The following ANO1 variants were observed in gnomAD, a reference collection of about 807,000 sequenced individuals.
ANO1 encodes the protein anoctamin 1, also known as anoctamin-1.
Under a neutral mutation model 124.0 loss-of-function variants are expected in ANO1, and 59 were observed. That is an observed-to-expected ratio of 0.48 (90% CI 0.39 to 0.59). The LOEUF (loss-of-function observed/expected upper bound fraction) is 0.59, where lower values mean the gene tolerates loss of function less well. Ranked by LOEUF, ANO1 falls within the 20% of genes least tolerant of loss-of-function variation. The probability of loss-of-function intolerance (pLI) is 0.00; values close to 1 mark genes in which losing one functional copy is unlikely to be tolerated. For missense variants in ANO1, 1,059 were observed against 1,328.0 expected (o/e 0.80, Z 3.15); for synonymous variants, 529 against 532.0 (o/e 0.99, Z 0.08).
chr11:70,048,689 C>G (rs1857299242), intron 1 of ANO1, among the ~76,000 whole-genome samples: 1 of 149,054 alleles, frequency 6.7e-6, no homozygotes, highest in Admixed American at 6.7e-5. Flanking sequence ...CCTCTCCCCA[C>G]TCTTCTCCAC....
At chr11:70,088,119 G>T in intron 2 of ANO1, 35 bp downstream of exon 2, 2 of 205,220 alleles carry the variant, frequency 9.7e-6, no homozygotes, top group South Asian at 1.1e-4. Context: ...TGTGGGGGGT[G>T]GGGGGTGGGC....
At position 70,130,319 on chromosome 11, in the gene ANO1, G is replaced by A. The variant is rs1474008072; in HGVS notation, c.1098-1600G>A. 2.0e-5 allele frequency among the ~76,000 whole-genome samples: 3 copies of A among 152,218 alleles called. No individual in the cohort carries two copies. The East Asian group carries it at 5.8e-4, about 29-fold the overall frequency. On this transcript the variant is annotated intron_variant, in intron 10 of 25. Transcript: ENST00000355303. Reference sequence around the variant, plus strand: ...ACTTGGCCAGGGCCACGGAGGGTATGAGTAGTCAGTTGAGGGCCCAGTTCA... The same window carrying A: ...ACTTGGCCAGGGCCACGGAGGGTATAAGTAGTCAGTTGAGGGCCCAGTTCA...
intron 25 of ANO1, 138 bp downstream of exon 25, chr11:70,185,833 G>A: frequency 1.1e-6 from 1 of 943,732 alleles, no homozygotes; most frequent in African/African-American, 1.7e-5. Context: ...ACTTGCTCTG[G>A]GACACCCGAG....
At chr11:70,052,024 T>C (rs1857356137) in intron 1 of ANO1, among the ~76,000 whole-genome samples, 1 of 152,252 alleles carries the variant, frequency 6.6e-6, no homozygotes, top group African/African-American at 2.4e-5. Context: ...TTGGCCTTTT[T>C]GCATCTGGAA....
intron 6 of ANO1, among the ~76,000 whole-genome samples, chr11:70,110,264 G>A (rs1279214929): frequency 1.4e-5 from 2 of 145,182 alleles, no homozygotes; most frequent in Admixed American, 7.2e-5. Context: ...TCAACTCACT[G>A]CAACCTCTGC....
At chr11:70,178,060 G>A (rs538003823) in intron 22 of ANO1, among the ~76,000 whole-genome samples, 1 of 152,342 alleles carries the variant, frequency 6.6e-6, no homozygotes, top group East Asian at 1.9e-4. Flanking sequence ...AGGGCTTTCT[G>A]CACTCGTGCA....
Position 70,062,063 on chromosome 11 carries a change from C to CTT in ANO1, c.59-16477_59-16476dup, listed in dbSNP as rs1857593075. Among the ~76,000 whole-genome samples the CTT allele has an allele frequency of 7.2e-4, 55 of 76,706 alleles. 2 individuals are homozygous for CTT. The highest frequency in any genetic ancestry group is 1.1e-3 in the Non-Finnish European group (38 of 34,796). The allele number at this position is 76,706 out of a possible 152,430, so 50.3% of individuals were successfully genotyped here. Reference sequence around the variant, plus strand: ...AGAGGTGATTTTTTTCTCTTTCCTTCTTTCTTTTTTTTTTTTTTTTTTTTT... The same window carrying CTT: ...AGAGGTGATTTTTTTCTCTTTCCTTCTTTTTCTTTTTTTTTTTTTTTTTTTTT... On this transcript the variant is annotated intron_variant, in intron 1 of 27. Transcript: ENST00000531349.
chr11:70,136,685 C>A lies in ANO1; in HGVS notation c.1258+4606C>A. Among the ~76,000 whole-genome samples the A allele has an allele frequency of 1.4e-5, 2 of 147,526 alleles. 1 individual carries two copies. Among genetic ancestry groups the A allele is most frequent in the Non-Finnish European group, 3.0e-5 (2 of 66,246 alleles). ...TCGGCGTCTGCACTTGCCTGGAAGC[C>A]GCCCTCAGACACGCTCAGCTCCACC... On this transcript the variant is annotated intron_variant, in intron 11 of 25. Coordinates refer to ENST00000355303, the MANE Select transcript of ANO1 (RefSeq NM_018043.7).
intron 1 of ANO1, among the ~76,000 whole-genome samples, chr11:70,007,933 T>A (rs1856523775): frequency 1.3e-5 from 2 of 152,188 alleles, no homozygotes; most frequent in African/African-American, 2.4e-5. Flanking sequence ...TTATTATTAC[T>A]TTTTTTAATA....
intron 1 of ANO1, among the ~76,000 whole-genome samples, chr11:70,039,570 G>T (rs11237547): frequency 6.9e-6 from 1 of 145,068 alleles, no homozygotes; most frequent in Non-Finnish European, 1.5e-5. Context: ...CTCCCCTTCC[G>T]CAGGTGGTAG....
At chr11:70,003,086 G>A (rs1232216404) in intron 1 of ANO1, among the ~76,000 whole-genome samples, 1 of 151,998 alleles carries the variant, frequency 6.6e-6, no homozygotes, top group Non-Finnish European at 1.5e-5. Flanking sequence ...TCAAGCTGGG[G>A]GTAACTATTT....
chr11:70,050,010 C>T (rs573609113), intron 1 of ANO1, among the ~76,000 whole-genome samples: 4 of 152,346 alleles, frequency 2.6e-5, no homozygotes, highest in African/African-American at 2.4e-5. Flanking sequence ...TGAGCCATCA[C>T]GCCCAGCTGC....
chr11:70,088,379 A>G (rs1184913414), intron 2 of ANO1, among the ~76,000 whole-genome samples: 4 of 151,824 alleles, frequency 2.6e-5, no homozygotes, highest in African/African-American at 7.3e-5. Context: ...GCATGGTGGC[A>G]TGTGTCTGTG....
In ANO1 at chr11:70,086,114, C is replaced by T. The variant is rs534648186; in HGVS notation, c.109-1638C>T. Among the ~76,000 whole-genome samples, 18 of 152,334 alleles carry T rather than the reference C, an allele frequency of 1.2e-4. No individual in the cohort carries two copies. The East Asian group carries it at 2.3e-3, about 20-fold the overall frequency. ...CGGGAACTGATAGTGCCCTAGGGAGCGTCCTCACGTAGCCACAGGAAACTG... is the reference window on the plus strand; with the variant it reads ...CGGGAACTGATAGTGCCCTAGGGAGTGTCCTCACGTAGCCACAGGAAACTG... On this transcript the variant is annotated intron_variant, in intron 1 of 25. Transcript: ENST00000355303.
chr11:70,156,091 C>T, intron 15 of ANO1, 103 bp downstream of exon 15: 2 of 1,151,288 alleles, frequency 1.7e-6, no homozygotes, highest in Middle Eastern at 2.0e-4. Context: ...TTTTTTTTAA[C>T]ATTCACATCC....
chr11:70,118,452 T>TG (rs1242993679), intron 8 of ANO1, among the ~76,000 whole-genome samples: 25 of 152,248 alleles, frequency 1.6e-4, no homozygotes, highest in African/African-American at 6.0e-4. Context: ...ATACAAGGCC[T>TG]GGCCCATGGG....
At chr11:70,013,391 T>TA (rs1162989875) in intron 1 of ANO1, among the ~76,000 whole-genome samples, 2 of 151,098 alleles carry the variant, frequency 1.3e-5, no homozygotes, top group African/African-American at 2.5e-5. Flanking sequence ...GCCTTTTTTT[T>TA]AAAAAAGGAG....
intron 12 of ANO1, among the ~76,000 whole-genome samples, chr11:70,150,916 T>A (rs1323598471): frequency 1.3e-5 from 2 of 152,236 alleles, no homozygotes; most frequent in Non-Finnish European, 2.9e-5. Context: ...CCTCTCAGAC[T>A]GAACCCAAGG....
At chr11:69,971,360 G>A in the ANO1 span, among the ~76,000 whole-genome samples, 2 of 152,182 alleles carry the variant, frequency 1.3e-5, no homozygotes, top group Admixed American at 1.3e-4. Context: ...AGAGAGTTTT[G>A]TGTGTTCTGT....
Sources: allele counts gnomAD v4.1 joint callset (sites outside exome capture counted in the v4.1 genomes callset), GRCh38; gene constraint gnomAD v4.1.1; transcripts MANE v1.5; gene names NCBI Gene and HGNC (gene_info 2026-07-23, HGNC 2026-07-21).